Variants in RASEF observed in about 807,000 individuals in gnomAD.
RASEF encodes RAS and EF-hand domain containing, also known as ras and EF-hand domain-containing protein.
In RASEF, 68 loss-of-function variants were observed where a neutral mutation model predicts 90.1. That is an observed-to-expected ratio of 0.75 (90% CI 0.62 to 0.92). RASEF has a LOEUF of 0.92. RASEF is among the 40% of genes least tolerant of loss of function. The pLI is 0.00. For missense variants in RASEF, 949 were observed against 937.2 expected (o/e 1.01, Z -0.16); for synonymous variants, 331 against 345.2 (o/e 0.96, Z 0.46).
At chr9:83,095,578 A>C in the RASEF span, among the ~76,000 whole-genome samples, 2 of 151,678 alleles carry the variant, frequency 1.3e-5, no homozygotes, top group Admixed American at 6.6e-5. Flanking sequence ...GAAAGTAAAG[A>C]AATATGACCA....
the RASEF span, among the ~76,000 whole-genome samples, chr9:83,166,765 AACTC>A: frequency 3.1e-3 from 475 of 152,250 alleles, 2 homozygotes; most frequent in Admixed American, 0.02. Flanking sequence ...TTAGGCAGAG[AACTC>A]ACTCAGTGAC....
At chr9:83,081,286 A>T in the RASEF span, among the ~76,000 whole-genome samples, 2 of 152,246 alleles carry the variant, frequency 1.3e-5, no homozygotes, top group Non-Finnish European at 2.9e-5. Context: ...TGCAAGCATG[A>T]AATCAGTCTT....
the RASEF span, among the ~76,000 whole-genome samples, chr9:83,205,381 A>C: frequency 6.6e-6 from 1 of 152,188 alleles, no homozygotes; most frequent in Non-Finnish European, 1.5e-5. Flanking sequence ...TATCACTTGC[A>C]ATCAAAATAA....
rs1160748439 is a variant in RASEF at position 82,981,745 on chromosome 9, C to G, written c.*932G>C. 2 of 152,212 alleles carry G rather than the reference C, an allele frequency of 1.3e-5. No individual in the cohort carries two copies. The highest frequency in any genetic ancestry group is 4.8e-5 in the African/African-American group (2 of 41,424). 9.4% of individuals were successfully genotyped at this position (152,212 alleles called of 1,614,324 possible). ...CATCATCGCCCAAAGAAACCACATACCTATTAGCAGTCACTCCCCATCCTC... is the reference window on the plus strand; with the variant it reads ...CATCATCGCCCAAAGAAACCACATAGCTATTAGCAGTCACTCCCCATCCTC... On this transcript the variant is annotated 3_prime_UTR_variant, in exon 17 of 17. Transcript: ENST00000376447.
chr9:83,065,028 A>T (rs1412433797), upstream of RASEF, among the ~76,000 whole-genome samples: 8 of 152,200 alleles, frequency 5.3e-5, no homozygotes. Context: ...AGATCGCGCC[A>T]CTGCACTCCA....
intron 4 of RASEF, among the ~76,000 whole-genome samples, chr9:83,014,713 T>A (rs1400898215): frequency 6.6e-6 from 1 of 152,226 alleles, no homozygotes; most frequent in Non-Finnish European, 1.5e-5. Flanking sequence ...GTGTGTCTAG[T>A]ACAGTGCCGG....
At position 83,062,533 on chromosome 9, in the gene RASEF, G is replaced by A. The variant is rs751705626; in HGVS notation, c.335C>T (p.Ala112Val). 6.2e-7 allele frequency: 1 copy of A among 1,607,656 alleles called. No individual in the cohort carries two copies. The highest frequency in any genetic ancestry group is 1.1e-5 in the South Asian group (1 of 90,520). The change falls in exon 1 of 17, where the codon GCG becomes GTG. Residue 112 changes from alanine to valine, a missense_variant. By Grantham distance (64) the Ala-to-Val change is moderately conservative. Around this residue, in one of 3 missense-constraint regions of RASEF, gnomAD observed 656 missense variants for 592.2 expected, o/e 1.11. Transcript: ENST00000376447. Reference protein sequence around the residue: ...SEEDEGDEDAAAALATSCGPA... With the variant: ...SEEDEGDEDAVAALATSCGPA... ...GCCGCACGAGGTGGCCAGCGCCGCC[G>A]CCGCGTCCTCGTCGCCTTCGTCCTC...
At chr9:83,217,987 A>G in the RASEF span, among the ~76,000 whole-genome samples, 1 of 99,390 alleles carries the variant, frequency 1.0e-5, no homozygotes, top group Non-Finnish European at 2.3e-5. Flanking sequence ...TCCATTCATC[A>G]AACTTTCCTT....
rs149312665 is a variant in RASEF, at chr9:82,995,374, T to C, written c.1920+1638A>G. The stretch of plus-strand genomic sequence containing the variant: ...GGTTATCTGTTATTCTCTGGACTTA[T>C]TGCTCCATCCCAGGGATCTCCATTT... On this transcript the variant is annotated intron_variant, in intron 14 of 16. Coordinates refer to ENST00000376447, the MANE Select transcript of RASEF (RefSeq NM_152573.4). 4.4e-3 allele frequency among the ~76,000 whole-genome samples: 673 copies of C among 152,310 alleles called. 3 individuals carry two copies. Among genetic ancestry groups the C allele is most frequent in the African/African-American group, 0.015 (622 of 41,566 alleles).
At chr9:83,071,712 A>C in the RASEF span, among the ~76,000 whole-genome samples, 1 of 152,074 alleles carries the variant, frequency 6.6e-6, no homozygotes, top group South Asian at 2.1e-4. Context: ...GGCTTCCTTC[A>C]TTTTGTTAAC....
the RASEF span, among the ~76,000 whole-genome samples, chr9:83,209,656 C>A: frequency 0.18 from 26,761 of 152,220 alleles, 2,536 homozygotes; most frequent in Admixed American, 0.23. Context: ...TATTCATATG[C>A]AAATGACTTC....
Position 83,024,930 on chromosome 9 carries a change from G to A in RASEF, c.578+845C>T, listed in dbSNP as rs527288445. Among the ~76,000 whole-genome samples, 7 of 152,192 alleles carry A rather than the reference G, an allele frequency of 4.6e-5. No homozygotes were observed. In the East Asian group the frequency reaches 5.8e-4, roughly 13 times the overall value. On this transcript the variant is annotated intron_variant, in intron 2 of 16. Coordinates refer to ENST00000376447, the MANE Select transcript of RASEF (RefSeq NM_152573.4). Reference sequence around the variant, plus strand: ...GGCAGAAACCAGCAGGGTGCACAGCGTCTTGGGAGCTCTTGGTGGAGCACA... The same window carrying A: ...GGCAGAAACCAGCAGGGTGCACAGCATCTTGGGAGCTCTTGGTGGAGCACA...
chr9:83,214,567 T>C, the RASEF span, among the ~76,000 whole-genome samples: 1 of 152,062 alleles, frequency 6.6e-6, no homozygotes, highest in East Asian at 1.9e-4. Flanking sequence ...CCAAATCTCA[T>C]CTTGAATTGT....
At chr9:83,004,617 C>A (rs1287072765) in intron 8 of RASEF, 31 bp from the exon 9 acceptor site, 3 of 1,357,184 alleles carry the variant, frequency 2.2e-6, no homozygotes, top group South Asian at 2.3e-5. Flanking sequence ...TTTGTTAGTT[C>A]ATGTAATTTT....
chr9:83,049,529 C>CTTTTTTTTTTTTTTTTTTTT (rs10687615), intron 1 of RASEF, among the ~76,000 whole-genome samples: 1 of 99,084 alleles, frequency 1.0e-5, no homozygotes, highest in Non-Finnish European at 1.8e-5. Flanking sequence ...TTCTGCCTTC[C>CTTTTTTTTTTTTTTTTTTTT]TTTTTTTTTT....
chr9:83,111,350 T>C, the RASEF span, among the ~76,000 whole-genome samples: 1 of 151,478 alleles, frequency 6.6e-6, no homozygotes, highest in Non-Finnish European at 1.5e-5. Context: ...TTTGAGAGAG[T>C]GGAAAAAATG....
At chr9:83,197,456 A>G in the RASEF span, among the ~76,000 whole-genome samples, 5 of 152,196 alleles carry the variant, frequency 3.3e-5, no homozygotes, top group African/African-American at 4.8e-5. Flanking sequence ...AGTGAACACA[A>G]CAGACAAAAT....
Position 83,009,180 on chromosome 9 carries a change from AT to A in RASEF, c.959+460del, listed in dbSNP as rs1215830384. On this transcript the variant is annotated intron_variant, in intron 6 of 16. Coordinates refer to ENST00000376447, the MANE Select transcript of RASEF (RefSeq NM_152573.4). ...TTTTATATTTACCATCCATATAAAA[AT>A]ATACATGTCTATGTTCCTTATATAT... Among the ~76,000 whole-genome samples, 4 of 151,954 alleles carry A rather than the reference AT, an allele frequency of 2.6e-5. No homozygotes were observed. In the East Asian group the frequency reaches 5.8e-4, roughly 22 times the overall value.
chr9:83,153,770 C>T, the RASEF span, among the ~76,000 whole-genome samples: 87 of 152,328 alleles, frequency 5.7e-4, no homozygotes, highest in African/African-American at 2.1e-3. Flanking sequence ...AAAGATAAAA[C>T]TCCACAAGCT....
Sources: allele counts gnomAD v4.1 joint callset (sites outside exome capture counted in the v4.1 genomes callset), GRCh38; gene constraint gnomAD v4.1.1; regional missense constraint gnomAD v4.1.1; transcripts MANE v1.5; gene names NCBI Gene and HGNC (gene_info 2026-07-23, HGNC 2026-07-21).